Variants in SNRPB2 observed in about 807,000 individuals in gnomAD.
SNRPB2 encodes the protein U2 small nuclear ribonucleoprotein B''.
SNRPB2 carries 16 observed loss-of-function variants against 26.3 expected under a neutral mutation model. The observed-to-expected ratio is 0.61, with a 90% CI of 0.41 to 0.92. The LOEUF is 0.92. Ranked by LOEUF, SNRPB2 falls within the 40% of genes least tolerant of loss-of-function variation. SNRPB2 has a pLI of 0.00. For synonymous variants in SNRPB2, 75 were observed against 89.0 expected (o/e 0.84, Z 0.88); for missense variants, 179 against 268.1 (o/e 0.67, Z 2.32).
chr20:16,737,907 T>A (rs1452316245), intron 4 of SNRPB2, among the ~76,000 whole-genome samples: 1 of 150,740 alleles, frequency 6.6e-6, no homozygotes, highest in Non-Finnish European at 1.5e-5. Flanking sequence ...GGCTTGGTGG[T>A]GGGTGCCTGT....
rs75222014 is a variant in SNRPB2, at chr20:16,732,153, A to C, written c.65-11A>C. On this transcript the variant is annotated splice_polypyrimidine_tract_variant and intron_variant, in intron 2 of 6. Transcript: ENST00000246071. ...ATTACCAATAACTTGTTTCTTTTCT[A>C]ATTTGGACAGAATTGAAGAGATCCC... 2.1e-3 allele frequency: 3,229 copies of C among 1,532,406 alleles called. 65 individuals carry two copies. The African/African-American group carries it at 0.04, about 19-fold the overall frequency. The allele number at this position is 1,532,406 out of a possible 1,614,324, so 94.9% of individuals were successfully genotyped here. A position where few individuals can be genotyped will look rare whatever the true frequency, so the allele number is the denominator to read the frequency against.
Position 16,732,493 on chromosome 20 carries a change from GT to G in SNRPB2, c.237+160del, listed in dbSNP as rs1316927498. 4 of 511,452 alleles carry G rather than the reference GT, an allele frequency of 7.8e-6. No individual in the cohort carries two copies. The African/African-American group carries it at 8.0e-5, about 10-fold the overall frequency. 31.7% of individuals were successfully genotyped at this position (511,452 alleles called of 1,614,324 possible). Reference sequence around the variant, plus strand: ...TTTATAGAAAAACAGTAGTGGTAGAGTTTAATTTATGACAGTTCAGATGGGC... The same window carrying G: ...TTTATAGAAAAACAGTAGTGGTAGAGTTAATTTATGACAGTTCAGATGGGC... On this transcript the variant is annotated intron_variant, in intron 3 of 6. Transcript: ENST00000246071.
In SNRPB2 at chr20:16,732,212, T is replaced by C. The variant is rs757434273; in HGVS notation, c.113T>C (p.Val38Ala). ...CTGTTTTCTCAGTTTGGTCATGTGG[T>C]GGACATTGTGGCTTTAAAGACCATG... is the stretch of plus-strand genomic sequence containing the variant. ...YALFSQFGHV[V>A]DIVALKTMKM... The change falls in exon 3 of 7, where the codon GTG becomes GCG. Residue 38 changes from valine (V) to alanine (A), a missense_variant. By Grantham distance (64) the Val-to-Ala change is moderately conservative. Coordinates refer to ENST00000246071, the MANE Select transcript of SNRPB2 (RefSeq NM_003092.5). 1.1e-5 allele frequency: 18 copies of C among 1,604,958 alleles called. No individual in the cohort carries two copies. Among genetic ancestry groups the C allele is most frequent in the Non-Finnish European group, 1.4e-5 (16 of 1,173,756 alleles).
At chr20:16,736,506 A>G (rs1415528717) in intron 3 of SNRPB2, among the ~76,000 whole-genome samples, 2 of 152,212 alleles carry the variant, frequency 1.3e-5, no homozygotes, top group Non-Finnish European at 2.9e-5. Flanking sequence ...AAAAAAATTC[A>G]AATAAACTCA....
Position 16,741,068 on chromosome 20 carries a change from T to G in SNRPB2, c.*63T>G, listed in dbSNP as rs2072459826. 1 of 1,271,352 alleles carries G rather than the reference T, an allele frequency of 7.9e-7. No individual in the cohort carries two copies. Among genetic ancestry groups the G allele is most frequent in the African/African-American group, 1.5e-5 (1 of 67,218 alleles). The allele number at this position is 1,271,352 out of a possible 1,614,324, so 78.8% of individuals were successfully genotyped here. A position where few individuals can be genotyped will look rare whatever the true frequency, so the allele number is the denominator to read the frequency against. ...TTACAGTGTTTGTTTTGATAACATT[T>G]GGCTGGGTCATTTTAATAGTTAGAG... On this transcript the variant is annotated 3_prime_UTR_variant, in exon 7 of 7. Transcript: ENST00000246071.
At position 16,737,376 on chromosome 20, in the gene SNRPB2, C is replaced by T; in HGVS notation, c.353C>T (p.Thr118Ile). Residue 118 changes from threonine (T) to isoleucine (I), a missense_variant, in exon 4 of 7, where the codon ACA (threonine) becomes ATA (isoleucine). Around this residue, in one of 2 missense-constraint regions of SNRPB2, gnomAD observed 145 missense variants for 180.7 expected, o/e 0.80. Coordinates refer to ENST00000246071, the MANE Select transcript of SNRPB2 (RefSeq NM_003092.5). ...GCCAAAACTGTGGAACAGACTGCAA[C>T]AACCACAAACAAAAAGCCTGGCCAG... ...KKAKTVEQTATTTNKKPGQGT... is the reference protein window; with the variant it reads ...KKAKTVEQTAITTNKKPGQGT... 2 of 1,588,564 alleles carry T rather than the reference C, an allele frequency of 1.3e-6. No individual in the cohort carries two copies. The highest frequency in any genetic ancestry group is 1.7e-6 in the Non-Finnish European group (2 of 1,173,772).
chr20:16,739,017 G>A, intron 5 of SNRPB2, 115 bp downstream of exon 5: 1 of 704,736 alleles, frequency 1.4e-6, no homozygotes, highest in Non-Finnish European at 2.5e-6. Context: ...ACAAGACACA[G>A]TGCGTTAAAT....
chr20:16,733,800 C>T (rs1176420317), intron 3 of SNRPB2, among the ~76,000 whole-genome samples: 1 of 152,142 alleles, frequency 6.6e-6, no homozygotes, highest in Admixed American at 6.5e-5. Context: ...TCTTCTCATC[C>T]TCTATCCAGC....
chr20:16,731,885 A>G (rs2072394232), intron 2 of SNRPB2, 119 bp downstream of exon 2: 1 of 1,481,296 alleles, frequency 6.8e-7, no homozygotes, highest in Non-Finnish European at 9.1e-7. Context: ...ATAATGGTTT[A>G]TCCCATTTCC....
chr20:16,741,091 G>C lies in SNRPB2; in HGVS notation c.*86G>C, dbSNP rs140481516. On this transcript the variant is annotated 3_prime_UTR_variant, in exon 7 of 7. Coordinates refer to ENST00000246071, the MANE Select transcript of SNRPB2 (RefSeq NM_003092.5). ...TTTGGCTGGGTCATTTTAATAGTTA[G>C]AGATGAGGAGGAGTAAAAGTGAAAT... The C allele has an allele frequency of 1.0e-6, 1 of 994,056 alleles. No homozygotes were observed. The highest frequency in any genetic ancestry group is 1.6e-5 in the African/African-American group (1 of 61,806). The allele number at this position is 994,056 out of a possible 1,614,324, so 61.6% of individuals were successfully genotyped here.
chr20:16,739,427 A>T (rs1188988638), intron 5 of SNRPB2, among the ~76,000 whole-genome samples: 1 of 152,094 alleles, frequency 6.6e-6, no homozygotes, highest in Non-Finnish European at 1.5e-5. Context: ...TCCCCATGAC[A>T]TACCTCAAAG....
At position 16,732,174 on chromosome 20, in the gene SNRPB2, A is replaced by G; in HGVS notation, c.75A>G (p.Arg25=). ...TTCTAATTTGGACAGAATTGAAGAG[A>G]TCCCTATATGCCCTGTTTTCTCAGT... The part of the protein sequence containing the change: ...NDKIKKEELK[R]SLYALFSQFG... Residue 25 remains arginine, a synonymous_variant, in exon 3 of 7, where the codon AGA becomes AGG. Coordinates refer to ENST00000246071, the MANE Select transcript of SNRPB2 (RefSeq NM_003092.5). 6.3e-7 allele frequency: 1 copy of G among 1,587,056 alleles called. No homozygotes were observed. Among genetic ancestry groups the G allele is most frequent in the Non-Finnish European group, 8.6e-7 (1 of 1,165,030 alleles).
intron 1 of SNRPB2, chr20:16,730,583 C>T (rs575006274): frequency 2.0e-5 from 3 of 152,254 alleles, no homozygotes; most frequent in African/African-American, 7.2e-5. Context: ...CTCCAGATTT[C>T]GATTTAGGGG....
intron 3 of SNRPB2, among the ~76,000 whole-genome samples, chr20:16,735,730 T>G (rs900332689): frequency 6.6e-6 from 1 of 152,258 alleles, no homozygotes; most frequent in South Asian, 2.1e-4. Flanking sequence ...GGTGCCAGCA[T>G]GAAAGGCATA....
chr20:16,739,048 G>T, intron 5 of SNRPB2, 146 bp downstream of exon 5: 1 of 616,756 alleles, frequency 1.6e-6, no homozygotes, highest in African/African-American at 1.9e-5. Flanking sequence ...TGCAATGTAA[G>T]AACTCAACTC....
intron 5 of SNRPB2, 134 bp downstream of exon 5, chr20:16,739,036 A>G: frequency 1.6e-6 from 1 of 639,302 alleles, no homozygotes; most frequent in East Asian, 2.8e-5. Flanking sequence ...ATTGTCTGCC[A>G]CTGCAATGTA....
rs2072391558 is a variant in SNRPB2 at position 16,731,650 on chromosome 20, C to G, written c.-35-18C>G. The stretch of plus-strand genomic sequence containing the variant: ...ATGCCACAGTCCAGTATAATTTACT[C>G]CTTCCTTTTTATAACAGATTTTTTA... On this transcript the variant is annotated intron_variant, in intron 1 of 6. Transcript: ENST00000246071. 2.5e-6 allele frequency: 4 copies of G among 1,602,588 alleles called. No individual in the cohort carries two copies. The highest frequency in any genetic ancestry group is 1.3e-5 in the African/African-American group (1 of 74,454).
intron 5 of SNRPB2, among the ~76,000 whole-genome samples, chr20:16,739,975 T>TG (rs1279747491): frequency 6.6e-6 from 1 of 151,642 alleles, no homozygotes; most frequent in Non-Finnish European, 1.5e-5. Context: ...TGAGTGATAC[T>TG]GAGTGTGGTA....
At chr20:16,731,788 T>C (rs772817067) in intron 2 of SNRPB2, 22 bp downstream of exon 2, 1 of 1,611,492 alleles carries the variant, frequency 6.2e-7, no homozygotes, top group Non-Finnish European at 8.5e-7. Flanking sequence ...TTAGAATACT[T>C]GTTCACTACT....
Sources: allele counts gnomAD v4.1 joint callset (sites outside exome capture counted in the v4.1 genomes callset), GRCh38; gene constraint gnomAD v4.1.1; regional missense constraint gnomAD v4.1.1; transcripts MANE v1.5; gene names NCBI Gene and HGNC (gene_info 2026-07-23, HGNC 2026-07-21).